Variants in HYAL4 observed in about 807,000 individuals in gnomAD.
HYAL4 encodes the protein hyaluronidase-4.
A neutral mutation model predicts 35.2 loss-of-function variants in HYAL4; 37 were observed. That is an observed-to-expected ratio of 1.05 (90% CI 0.81 to 1.38). The LOEUF (loss-of-function observed/expected upper bound fraction) is 1.38. HYAL4 is among the 40% of genes most tolerant of loss of function. The pLI, the probability that HYAL4 is intolerant of heterozygous loss-of-function variation, is 0.00. For missense variants in HYAL4, 572 were observed against 572.4 expected (o/e 1.00, Z 0.01); for synonymous variants, 198 against 203.2 (o/e 0.97, Z 0.22).
At chr7:123,839,254 G>A (rs1312153153) in intron 1 of HYAL4, among the ~76,000 whole-genome samples, 2 of 151,998 alleles carry the variant, frequency 1.3e-5, no homozygotes, top group Non-Finnish European at 2.9e-5. Context: ...TTCCATCCCT[G>A]TGATAGTTTG....
At chr7:123,853,459 G>A (rs1340184189) in intron 2 of HYAL4, among the ~76,000 whole-genome samples, 1 of 152,138 alleles carries the variant, frequency 6.6e-6, no homozygotes. Context: ...TTTTATTGAA[G>A]GCCTTTTCGG....
intron 2 of HYAL4, among the ~76,000 whole-genome samples, chr7:123,861,027 C>A (rs967174925): frequency 2.0e-5 from 3 of 152,160 alleles, no homozygotes; most frequent in East Asian, 3.9e-4. Flanking sequence ...ACAATGTGAT[C>A]TGGCTACAGC....
chr7:123,838,854 G>T (rs1806009048), intron 1 of HYAL4, among the ~76,000 whole-genome samples: 1 of 151,828 alleles, frequency 6.6e-6, no homozygotes, highest in Non-Finnish European at 1.5e-5. Flanking sequence ...TGTTGAATTG[G>T]GTTAATTTGA....
the HYAL4 span, among the ~76,000 whole-genome samples, chr7:123,822,653 C>T: frequency 0.13 from 19,666 of 152,128 alleles, 1,341 homozygotes; most frequent in Non-Finnish European, 0.14. Context: ...TCTAGTACTA[C>T]GTTGAATAGA....
At chr7:123,795,637 C>T in the HYAL4 span, among the ~76,000 whole-genome samples, 1 of 152,162 alleles carries the variant, frequency 6.6e-6, no homozygotes, top group East Asian at 1.9e-4. Flanking sequence ...GTTTGCTTCC[C>T]CTTCTGCCAT....
intron 1 of HYAL4, among the ~76,000 whole-genome samples, chr7:123,834,964 T>C (rs962719499): frequency 6.6e-6 from 1 of 152,122 alleles, no homozygotes; most frequent in Admixed American, 6.6e-5. Flanking sequence ...TTTTGGTATG[T>C]TGTTGGGTTC....
upstream of HYAL4, among the ~76,000 whole-genome samples, chr7:123,825,885 TA>T (rs1309908684): frequency 2.6e-5 from 4 of 152,146 alleles, no homozygotes; most frequent in African/African-American, 9.6e-5. Context: ...GATTGCTTTC[TA>T]AAAAATTATT....
chr7:123,789,693 G>A, the HYAL4 span, among the ~76,000 whole-genome samples: 1 of 152,232 alleles, frequency 6.6e-6, no homozygotes, highest in East Asian at 1.9e-4. Context: ...GTCAAAGTAA[G>A]CTGTTAGCTC....
chr7:123,776,229 G>A, the HYAL4 span, among the ~76,000 whole-genome samples: 13 of 152,282 alleles, frequency 8.5e-5, no homozygotes, highest in East Asian at 7.7e-4. Context: ...TAAGAAGAGC[G>A]TGATTTCCAT....
At chr7:123,808,944 G>T in the HYAL4 span, among the ~76,000 whole-genome samples, 1 of 152,044 alleles carries the variant, frequency 6.6e-6, no homozygotes, top group Non-Finnish European at 1.5e-5. Flanking sequence ...ATCTCCCAAA[G>T]GCCCAATTGT....
At chr7:123,810,234 G>C in the HYAL4 span, among the ~76,000 whole-genome samples, 1 of 152,174 alleles carries the variant, frequency 6.6e-6, no homozygotes, top group African/African-American at 2.4e-5. Flanking sequence ...CTTGACAGGT[G>C]TCAATCTGAA....
At chr7:123,825,000 C>G (rs1268545397), upstream of HYAL4, among the ~76,000 whole-genome samples, 1 of 152,132 alleles carries the variant, frequency 6.6e-6, no homozygotes, top group African/African-American at 2.4e-5. Context: ...AACATTCCTT[C>G]TGCCCTGATA....
upstream of HYAL4, among the ~76,000 whole-genome samples, chr7:123,842,931 A>G (rs1806097980): frequency 6.6e-6 from 1 of 151,730 alleles, no homozygotes; most frequent in South Asian, 2.1e-4. Context: ...CAGCATACTG[A>G]TGGGTCTTGA....
chr7:123,793,456 C>T, the HYAL4 span, among the ~76,000 whole-genome samples: 24 of 152,160 alleles, frequency 1.6e-4, no homozygotes, highest in Admixed American at 1.3e-3. Flanking sequence ...TGTGTCCCCA[C>T]CCAAATCTTA....
chr7:123,817,043 A>G, the HYAL4 span, among the ~76,000 whole-genome samples: 1 of 152,206 alleles, frequency 6.6e-6, no homozygotes, highest in Admixed American at 6.5e-5. Flanking sequence ...ATAACGCAGG[A>G]AAGCTTACAG....
chr7:123,764,054 C>A, the HYAL4 span, among the ~76,000 whole-genome samples: 4 of 152,208 alleles, frequency 2.6e-5, no homozygotes, highest in Non-Finnish European at 4.4e-5. Context: ...AAGATCATGG[C>A]TCATGCAGCC....
intron 1 of HYAL4, among the ~76,000 whole-genome samples, chr7:123,837,037 CA>C (rs886199224): frequency 1.2e-4 from 17 of 143,618 alleles, no homozygotes; most frequent in South Asian, 4.4e-4. Flanking sequence ...AAAACAGAAA[CA>C]AAAAAAAAAG....
chr7:123,844,536 G>A (rs185265465), upstream of HYAL4, among the ~76,000 whole-genome samples: 89 of 152,272 alleles, frequency 5.8e-4, no homozygotes, highest in Non-Finnish European at 1.1e-3. Flanking sequence ...GCTCAAACGC[G>A]GTGCTGGGAG....
the HYAL4 span, among the ~76,000 whole-genome samples, chr7:123,821,451 T>G: frequency 6.6e-6 from 1 of 152,334 alleles, no homozygotes; most frequent in Middle Eastern, 3.4e-3. Flanking sequence ...GTATGTCTTC[T>G]TTGGAGAAAT....
Sources: allele counts gnomAD v4.1 joint callset (sites outside exome capture counted in the v4.1 genomes callset), GRCh38; gene constraint gnomAD v4.1.1; transcripts MANE v1.5; gene names NCBI Gene and HGNC (gene_info 2026-07-23, HGNC 2026-07-21).